The following PLEKHH2 variants were observed in gnomAD, a reference collection of about 807,000 sequenced individuals.
PLEKHH2 encodes the protein pleckstrin homology domain-containing family H member 2.
A neutral mutation model predicts 187.9 loss-of-function variants in PLEKHH2; 129 were observed. The ratio of observed to expected loss-of-function variants is 0.69; its 90% confidence interval spans 0.59 to 0.79. The LOEUF (loss-of-function observed/expected upper bound fraction) is 0.79, where lower values mean the gene tolerates loss of function less well. Among genes scored for constraint, PLEKHH2 ranks in the 30% least tolerant of loss-of-function variants. PLEKHH2 has a pLI of 0.00. For synonymous variants in PLEKHH2, 686 were observed against 605.6 expected, an observed-to-expected ratio of 1.13 and a Z score of -1.95; for missense variants, 2,076 against 1,751.2, an observed-to-expected ratio of 1.19 and a Z score of -3.31.
intron 2 of PLEKHH2, among the ~76,000 whole-genome samples, chr2:43,654,804 A>G (rs1041663211): frequency 2.3e-4 from 35 of 151,222 alleles, no homozygotes; most frequent in Non-Finnish European, 4.4e-4. Context: ...AGGTGGGCAG[A>G]TCACTTGAGG....
At position 43,638,248 on chromosome 2, in the gene PLEKHH2, AACACACACACACACAC is replaced by A. The variant is rs70965309; in HGVS notation, c.-4+894_-4+909del. ...TCAGTCTCGTCGAGAAAGATCTTTT[AACACACACACACACAC>A]ACACACACACACACACACACACACT... is the stretch of plus-strand genomic sequence containing the variant. On this transcript the variant is annotated intron_variant, in intron 1 of 29. Coordinates refer to ENST00000282406, the MANE Select transcript of PLEKHH2 (RefSeq NM_172069.4). Among the ~76,000 whole-genome samples, 1,092 of 148,832 alleles carry A rather than the reference AACACACACACACACAC, an allele frequency of 7.3e-3. 16 individuals are homozygous for A. The highest frequency in any genetic ancestry group is 0.021 in the Middle Eastern group (6 of 292).
intron 1 of PLEKHH2, among the ~76,000 whole-genome samples, chr2:43,644,246 ACAATC>A (rs1378341957): frequency 6.6e-6 from 1 of 152,188 alleles, no homozygotes; most frequent in African/African-American, 2.4e-5. Flanking sequence ...ATAGATTCAA[ACAATC>A]TTATCTGTTG....
chr2:43,735,738 A>C (rs1318263292), intron 19 of PLEKHH2, among the ~76,000 whole-genome samples: 6 of 152,234 alleles, frequency 3.9e-5, no homozygotes, highest in Non-Finnish European at 7.3e-5. Flanking sequence ...TAATGTTAGA[A>C]AATATTAAAT....
At chr2:43,652,977 G>A (rs980081430) in intron 2 of PLEKHH2, among the ~76,000 whole-genome samples, 24 of 152,034 alleles carry the variant, frequency 1.6e-4, no homozygotes, top group African/African-American at 5.3e-4. Context: ...CTAAGAGCAG[G>A]GTTGAAATAT....
At chr2:43,640,719 T>C (rs1471009431) in intron 1 of PLEKHH2, among the ~76,000 whole-genome samples, 1 of 152,216 alleles carries the variant, frequency 6.6e-6, no homozygotes, top group Non-Finnish European at 1.5e-5. Context: ...GCCATTTGTA[T>C]ATCTTCTTTG....
intron 21 of PLEKHH2, among the ~76,000 whole-genome samples, chr2:43,742,259 C>A (rs1329070809): frequency 2.0e-5 from 3 of 152,076 alleles, no homozygotes; most frequent in African/African-American, 7.2e-5. Context: ...ACTTCAGCCT[C>A]CCAAAGTGCT....
intron 24 of PLEKHH2, among the ~76,000 whole-genome samples, chr2:43,750,180 A>C (rs1316619804): frequency 6.6e-6 from 1 of 151,786 alleles, no homozygotes; most frequent in Non-Finnish European, 1.5e-5. Context: ...GGATCAAGAG[A>C]CTCTCATGTG....
intron 25 of PLEKHH2, among the ~76,000 whole-genome samples, chr2:43,756,374 C>A (rs573518181): frequency 3.3e-5 from 5 of 152,068 alleles, no homozygotes; most frequent in Admixed American, 1.3e-4. Flanking sequence ...CTGACTGCAA[C>A]CTCCGCCTCC....
At chr2:43,741,309 G>C (rs768009132) in intron 21 of PLEKHH2, 1 of 247,508 alleles carries the variant, frequency 4.0e-6, no homozygotes, top group Non-Finnish European at 7.7e-6. Flanking sequence ...TTTCAAGTAT[G>C]AATGACTTAG....
chr2:43,675,551 T>C (rs1238397706), intron 2 of PLEKHH2: 1 of 1,613,968 alleles, frequency 6.2e-7, no homozygotes, highest in Non-Finnish European at 8.5e-7. Context: ...TGAGGGTTAT[T>C]AGACAATGCC....
rs546762809 is a variant in PLEKHH2, at chr2:43,719,730, G to A, written c.2461-939G>A. Among the ~76,000 whole-genome samples the A allele has an allele frequency of 1.8e-4, 28 of 152,316 alleles. No individual in the cohort carries two copies. The East Asian group carries it at 2.3e-3, about 13-fold the overall frequency. On this transcript the variant is annotated intron_variant, in intron 15 of 29. Coordinates refer to ENST00000282406, the MANE Select transcript of PLEKHH2 (RefSeq NM_172069.4). ...TGGGATTACAGGCGTGAGCCACCGC[G>A]CACAGCCTTCATCTTCTCACTTCTA...
chr2:43,695,770 A>G (rs76847434), intron 6 of PLEKHH2, among the ~76,000 whole-genome samples: 2,712 of 152,314 alleles, frequency 0.018, 22 homozygotes, highest in Non-Finnish European at 0.027. Flanking sequence ...CCAGAAGTCC[A>G]AGAAGACTTG....
At position 43,655,686 on chromosome 2, in the gene PLEKHH2, A is replaced by G. The variant is rs1351740692; in HGVS notation, c.123+10890A>G. On this transcript the variant is annotated intron_variant, in intron 2 of 29. Coordinates refer to ENST00000282406, the MANE Select transcript of PLEKHH2 (RefSeq NM_172069.4). ...CATGATCACAAAACGACCTACTTTG[A>G]AAGCCTAAGGTTGTGTGGGGATGGG... Among the ~76,000 whole-genome samples, 3 of 152,314 alleles carry G rather than the reference A, an allele frequency of 2.0e-5. No homozygotes were observed. The East Asian group carries it at 5.8e-4, about 29-fold the overall frequency.
chr2:43,757,032 A>C (rs565201913), intron 25 of PLEKHH2, 87 bp from the exon 26 acceptor site: 1 of 1,056,160 alleles, frequency 9.5e-7, no homozygotes, highest in East Asian at 2.8e-5. Context: ...TGTGTTAAAA[A>C]AGAATGTTTA....
chr2:43,744,096 AC>A, intron 23 of PLEKHH2, 107 bp downstream of exon 23: 1 of 1,472,864 alleles, frequency 6.8e-7, no homozygotes, highest in Non-Finnish European at 9.0e-7. Flanking sequence ...GTTTTCCAAA[AC>A]TTTAACCAAT....
chr2:43,695,927 T>A (rs575772604), intron 6 of PLEKHH2, among the ~76,000 whole-genome samples: 1 of 152,292 alleles, frequency 6.6e-6, no homozygotes, highest in South Asian at 2.1e-4. Context: ...TAATTGAGGG[T>A]AGCTCTGAGG....
chr2:43,692,680 TAA>T lies in PLEKHH2; in HGVS notation c.336+19_336+20del, dbSNP rs1668864436. ...GAAGAGCAGGTTAGGAAGAATTTGA[TAA>T]AGAGTTCTAAGTGTGTGCACTCATT... On this transcript the variant is annotated intron_variant, in intron 4 of 29. Coordinates refer to ENST00000282406, the MANE Select transcript of PLEKHH2 (RefSeq NM_172069.4). The T allele has an allele frequency of 7.5e-6, 12 of 1,607,712 alleles. No homozygotes were observed. The highest frequency in any genetic ancestry group is 9.4e-6 in the Non-Finnish European group (11 of 1,175,790).
At chr2:43,637,890 G>A (rs1443965686) in intron 1 of PLEKHH2, among the ~76,000 whole-genome samples, 2 of 152,218 alleles carry the variant, frequency 1.3e-5, no homozygotes, top group African/African-American at 2.4e-5. Context: ...GCACCCTAAG[G>A]TGACCTACCC....
intron 2 of PLEKHH2, among the ~76,000 whole-genome samples, chr2:43,669,910 A>G (rs1412312281): frequency 1.3e-5 from 2 of 152,212 alleles, no homozygotes; most frequent in East Asian, 3.8e-4. Flanking sequence ...AGTAAGGAAG[A>G]TACAATATAC....
Sources: gnomAD v4.1 joint callset for allele counts (sites outside exome capture counted in the v4.1 genomes callset) on GRCh38, gnomAD v4.1.1 for gene constraint, MANE v1.5 for transcripts, NCBI Gene and HGNC (gene_info 2026-07-23, HGNC 2026-07-21) for gene names.